DENND2A: variants seen among roughly 807,000 people sequenced by gnomAD.
DENND2A encodes DENN domain-containing protein 2A.
In DENND2A, 53 loss-of-function variants were observed where a neutral mutation model predicts 105.3. That is an observed-to-expected ratio of 0.50 (90% CI 0.40 to 0.63). DENND2A has a LOEUF of 0.63. Ranked by LOEUF, DENND2A falls within the 30% of genes least tolerant of loss-of-function variation. DENND2A has a pLI of 0.00. For synonymous variants in DENND2A, 522 were observed against 508.4 expected (o/e 1.03, Z -0.36); for missense variants, 1,138 against 1,279.6 (o/e 0.89, Z 1.69).
In DENND2A at chr7:140,559,652, GTC is replaced by G. The variant is rs1445138336; in HGVS notation, c.1889+54_1889+55del. 2 of 1,307,890 alleles carry G rather than the reference GTC, an allele frequency of 1.5e-6. No individual in the cohort carries two copies. The highest frequency in any genetic ancestry group is 1.5e-5 in the African/African-American group (1 of 68,774). 81.0% of individuals were successfully genotyped at this position (1,307,890 alleles called of 1,614,324 possible). A position where few individuals can be genotyped will look rare whatever the true frequency, so the allele number is the denominator to read the frequency against. The stretch of plus-strand genomic sequence containing the variant: ...CATGTGGTCTGCCACCTGTAACCCC[GTC>G]TCTAAGTCTCGCCTTAGTCTTTGGG... On this transcript the variant is annotated intron_variant, in intron 10 of 19. Coordinates refer to ENST00000496613, the MANE Select transcript of DENND2A (RefSeq NM_015689.5). This position sits in a 1 kb window ranked among gnomAD's most constrained non-coding sequence, Gnocchi z 4.1.
At chr7:140,550,400 C>T (rs954665746) in intron 12 of DENND2A, among the ~76,000 whole-genome samples, 1 of 152,114 alleles carries the variant, frequency 6.6e-6, no homozygotes, top group Non-Finnish European at 1.5e-5. Context: ...TGTTGTTGCC[C>T]AGGCTGGAGT....
chr7:140,636,401 G>C (rs554318845), intron 1 of DENND2A, among the ~76,000 whole-genome samples: 54 of 152,270 alleles, frequency 3.5e-4, no homozygotes, highest in Admixed American at 1.1e-3. Context: ...CCTCGGGGGA[G>C]AAGCAGCGAT....
chr7:140,541,756 C>T (rs1198819313), intron 14 of DENND2A, among the ~76,000 whole-genome samples: 1 of 152,182 alleles, frequency 6.6e-6, no homozygotes, highest in African/African-American at 2.4e-5. Flanking sequence ...CCTGAGCTGA[C>T]AAAAGTGCAC....
Position 140,528,829 on chromosome 7 carries a change from T to C in DENND2A, c.2328-1334A>G, listed in dbSNP as rs1479816941. Among the ~76,000 whole-genome samples the C allele has an allele frequency of 6.1e-5, 9 of 147,320 alleles. No individual in the cohort carries two copies. The East Asian group carries it at 6.2e-4, about 10-fold the overall frequency. Reference sequence around the variant, plus strand: ...ATTGAAATTTTTAAAAATAATAACATTGGGAGAGGCCAGGCACAGTGACTG... The same window carrying C: ...ATTGAAATTTTTAAAAATAATAACACTGGGAGAGGCCAGGCACAGTGACTG... On this transcript the variant is annotated intron_variant, in intron 14 of 19. Coordinates refer to ENST00000496613, the MANE Select transcript of DENND2A (RefSeq NM_015689.5).
chr7:140,599,987 G>A (rs896188469), intron 3 of DENND2A, among the ~76,000 whole-genome samples: 1 of 152,066 alleles, frequency 6.6e-6, no homozygotes, highest in South Asian at 2.1e-4. Flanking sequence ...TGGAGGAGAT[G>A]TAGGCAGATT....
rs1317958555 is a variant in DENND2A at position 140,559,850 on chromosome 7, A to C, written c.1780-33T>G. On this transcript the variant is annotated intron_variant, in intron 9 of 19. Transcript: ENST00000496613. The surrounding 1 kb of genome is among the most constrained non-coding windows in gnomAD (Gnocchi z 4.1). Reference sequence around the variant, plus strand: ...GAGAAAGGTGAGAGAAAATTCGAGAACAAATCTCAGCATGGGAAATTGAGG... The same window carrying C: ...GAGAAAGGTGAGAGAAAATTCGAGACCAAATCTCAGCATGGGAAATTGAGG... 6.6e-7 allele frequency: 1 copy of C among 1,520,194 alleles called. No homozygotes were observed. 94.2% of individuals were successfully genotyped at this position (1,520,194 alleles called of 1,614,324 possible).
At chr7:140,635,703 C>T (rs1800900448) in intron 1 of DENND2A, among the ~76,000 whole-genome samples, 1 of 152,182 alleles carries the variant, frequency 6.6e-6, no homozygotes, top group African/African-American at 2.4e-5. Flanking sequence ...ATAGTTCAGC[C>T]AGTTGGAAGA....
At chr7:140,568,593 T>A (rs1239698705) in intron 8 of DENND2A, among the ~76,000 whole-genome samples, 170 bp downstream of exon 8, 1 of 152,162 alleles carries the variant, frequency 6.6e-6, no homozygotes, top group Non-Finnish European at 1.5e-5. Flanking sequence ...ATCATGCCCA[T>A]GACGGACCGG....
At chr7:140,584,293 A>G (rs1260313947) in intron 5 of DENND2A, among the ~76,000 whole-genome samples, 5 of 152,200 alleles carry the variant, frequency 3.3e-5, no homozygotes, top group African/African-American at 1.2e-4. Context: ...AAATACAGCC[A>G]CACTCATTTA....
At chr7:140,579,746 A>G (rs1026191645) in intron 5 of DENND2A, among the ~76,000 whole-genome samples, 1 of 152,180 alleles carries the variant, frequency 6.6e-6, no homozygotes, top group African/African-American at 2.4e-5. Context: ...ATCCGGGAGG[A>G]AATAAACCAA....
rs1437732494 is a variant in DENND2A, at chr7:140,559,979, T to C, written c.1780-162A>G. On this transcript the variant is annotated intron_variant, in intron 9 of 19. Coordinates refer to ENST00000496613, the MANE Select transcript of DENND2A (RefSeq NM_015689.5). This position sits in a 1 kb window ranked among gnomAD's most constrained non-coding sequence, Gnocchi z 4.1. Reference sequence around the variant, plus strand: ...TGCAGCTCAGTCGGCTGGGGCATTTTCCCCCCAGTGCACTTCCAACTATAG... The same window carrying C: ...TGCAGCTCAGTCGGCTGGGGCATTTCCCCCCCAGTGCACTTCCAACTATAG... 1.3e-5 allele frequency among the ~76,000 whole-genome samples: 2 copies of C among 151,922 alleles called. No homozygotes were observed. Among genetic ancestry groups the C allele is most frequent in the Non-Finnish European group, 2.9e-5 (2 of 67,986 alleles).
chr7:140,581,347 A>C (rs934566472), intron 5 of DENND2A, among the ~76,000 whole-genome samples: 1 of 152,210 alleles, frequency 6.6e-6, no homozygotes, highest in African/African-American at 2.4e-5. Context: ...TGCGTTCAGC[A>C]GCAGCAGCAT....
chr7:140,538,953 A>G (rs1460583018), intron 14 of DENND2A, among the ~76,000 whole-genome samples: 1 of 151,626 alleles, frequency 6.6e-6, no homozygotes, highest in Non-Finnish European at 1.5e-5. Context: ...CCTCCTGAGT[A>G]GCTGGGATTA....
chr7:140,601,853 G>A lies in DENND2A; in HGVS notation c.545C>T (p.Pro182Leu), dbSNP rs1183910128. ...GCAGTGTGGGGAGTAACAAGTCCCT[G>A]GTAACTGGGGATCCAGCCCTGCCGA... ...DGSAGLDPQLPGTCYSPHCPP... is the reference protein window; with the variant it reads ...DGSAGLDPQLLGTCYSPHCPP... Residue 182 changes from proline (P) to leucine (L), a missense_variant, in exon 3 of 20, where the codon CCA becomes CTA. This residue lies in a region of DENND2A where 511 missense variants were observed against 499.9 expected (regional missense o/e 1.02). Transcript: ENST00000496613. 1 of 1,614,168 alleles carries A rather than the reference G, an allele frequency of 6.2e-7. No homozygotes were observed. The highest frequency in any genetic ancestry group is 8.5e-7 in the Non-Finnish European group (1 of 1,180,028).
chr7:140,602,382 A>T lies in DENND2A; in HGVS notation c.16T>A (p.Leu6Met). The part of the protein sequence containing the change: MDMFS[L>M]DMIISDPAAE... ...GCTGGGTCACTGATGATCATATCCA[A>T]GCTGAACATATCCATTCTTGACTCT... Residue 6 changes from leucine (L) to methionine (M), a missense_variant, in exon 3 of 20, where the codon TTG becomes ATG. Leu to Met is a conservative substitution (Grantham distance 15). Coordinates refer to ENST00000496613, the MANE Select transcript of DENND2A (RefSeq NM_015689.5). The T allele has an allele frequency of 6.3e-7, 1 of 1,576,468 alleles. No individual in the cohort carries two copies. Among genetic ancestry groups the T allele is most frequent in the Non-Finnish European group, 8.6e-7 (1 of 1,165,026 alleles).
intron 12 of DENND2A, among the ~76,000 whole-genome samples, chr7:140,547,200 G>C (rs539956304): frequency 1.3e-5 from 2 of 152,306 alleles, no homozygotes; most frequent in East Asian, 3.9e-4. Context: ...CTTTGACCTA[G>C]GGTTTGGCCA....
rs567970691 is a variant in DENND2A at position 140,595,915 on chromosome 7, C to T, written c.995+5488G>A. Among the ~76,000 whole-genome samples the T allele has an allele frequency of 2.2e-3, 332 of 152,282 alleles. 1 individual carries two copies. The highest frequency in any genetic ancestry group is 7.6e-3 in the African/African-American group (314 of 41,560). Reference sequence around the variant, plus strand: ...TCTGCCTGTCTCTCCTGAGTGGCCACGGCAGCTCTTCCCCATGGCTCGCCA... The same window carrying T: ...TCTGCCTGTCTCTCCTGAGTGGCCATGGCAGCTCTTCCCCATGGCTCGCCA... On this transcript the variant is annotated intron_variant, in intron 3 of 19. Coordinates refer to ENST00000496613, the MANE Select transcript of DENND2A (RefSeq NM_015689.5).
At chr7:140,562,776 C>T (rs1183303912) in intron 9 of DENND2A, among the ~76,000 whole-genome samples, 2 of 152,218 alleles carry the variant, frequency 1.3e-5, no homozygotes, top group African/African-American at 2.4e-5. Context: ...GTGGTTAAGA[C>T]AGCAATCAAT....
In DENND2A at chr7:140,585,673, C is replaced by T. The variant is rs772241395; in HGVS notation, c.1161G>A (p.Glu387=). The change falls in exon 5 of 20, where the codon GAG becomes GAA. Residue 387 remains glutamate (E), a synonymous_variant. Transcript: ENST00000496613. ...PMKENPYEDI[E]LHGRCLGKKC... ...TCTTTCCCAGGCAGCGACCATGTAA[C>T]TCGATGTCCTCATAAGGGTTCTCCT... 1.9e-6 allele frequency: 3 copies of T among 1,614,222 alleles called. No homozygotes were observed. The highest frequency in any genetic ancestry group is 2.2e-5 in the East Asian group (1 of 44,888).
Sources: allele counts gnomAD v4.1 joint callset (sites outside exome capture counted in the v4.1 genomes callset), GRCh38; gene constraint gnomAD v4.1.1; regional missense constraint gnomAD v4.1.1; non-coding constraint Gnocchi (gnomAD v3.1); transcripts MANE v1.5; gene names NCBI Gene and HGNC (gene_info 2026-07-23, HGNC 2026-07-21).